The following LUZP2 variants were observed in gnomAD, a reference collection of about 807,000 sequenced individuals.
LUZP2 encodes leucine zipper protein 2.
In LUZP2, 52 loss-of-function variants were observed where a neutral mutation model predicts 51.6. That is an observed-to-expected ratio of 1.01 (90% CI 0.81 to 1.27). The LOEUF (loss-of-function observed/expected upper bound fraction) is 1.27, where lower values mean the gene tolerates loss of function less well. Among genes scored for constraint, LUZP2 ranks in the 50% most tolerant of loss-of-function variants. The pLI, the probability that LUZP2 is intolerant of heterozygous loss-of-function variation, is 0.00. For missense variants in LUZP2, 436 were observed against 395.4 expected, an observed-to-expected ratio of 1.10 and a Z score of -0.87; for synonymous variants, 154 against 137.3, an observed-to-expected ratio of 1.12 and a Z score of -0.85.
intron 5 of LUZP2, among the ~76,000 whole-genome samples, chr11:24,841,361 C>T (rs1851027395): frequency 6.6e-6 from 1 of 152,022 alleles, no homozygotes; most frequent in South Asian, 2.1e-4. Flanking sequence ...TTTCAGTCTC[C>T]AGAAAATTGA....
intron 9 of LUZP2, among the ~76,000 whole-genome samples, chr11:25,024,234 C>G (rs1200146705): frequency 6.6e-6 from 1 of 152,068 alleles, no homozygotes; most frequent in Non-Finnish European, 1.5e-5. Context: ...TGAAAACTGG[C>G]ACAAGACAGG....
At chr11:24,625,697 T>C (rs1348901084) in intron 1 of LUZP2, among the ~76,000 whole-genome samples, 1 of 151,004 alleles carries the variant, frequency 6.6e-6, no homozygotes, top group African/African-American at 2.4e-5. Flanking sequence ...AAAATGACTG[T>C]ATTATCTAAA....
At chr11:25,058,202 G>A (rs534970818) in intron 10 of LUZP2, among the ~76,000 whole-genome samples, 36 of 151,534 alleles carry the variant, frequency 2.4e-4, no homozygotes, top group African/African-American at 8.2e-4. Flanking sequence ...AAATAGTGTA[G>A]GAATGATAGG....
rs1554983398 is a variant in LUZP2, at chr11:24,742,057, TTATA to T, written c.333+3771_333+3774del. ...TATAAATACATAAAAATAAATATAATTATATATATATATATATATCACCATTTCT... is the reference window on the plus strand; with the variant it reads ...TATAAATACATAAAAATAAATATAATTATATATATATATATCACCATTTCT... On this transcript the variant is annotated intron_variant, in intron 4 of 11. Coordinates refer to ENST00000336930, the MANE Select transcript of LUZP2 (RefSeq NM_001009909.4). Among the ~76,000 whole-genome samples, 283 of 116,296 alleles carry T rather than the reference TTATA, an allele frequency of 2.4e-3. 9 individuals are homozygous for T. Among genetic ancestry groups the T allele is most frequent in the African/African-American group, 0.011 (251 of 23,838 alleles). 76.3% of individuals were successfully genotyped at this position (116,296 alleles called of 152,430 possible).
intron 1 of LUZP2, among the ~76,000 whole-genome samples, chr11:24,612,458 T>C (rs1854154408): frequency 6.6e-6 from 1 of 152,122 alleles, no homozygotes; most frequent in African/African-American, 2.4e-5. Flanking sequence ...TGCCATGATA[T>C]GCTCCCATTA....
At chr11:24,520,015 A>G (rs1199049601) in intron 1 of LUZP2, among the ~76,000 whole-genome samples, 2 of 152,158 alleles carry the variant, frequency 1.3e-5, no homozygotes, top group African/African-American at 4.8e-5. Context: ...TTATTTCATT[A>G]GTTGCCTTGG....
At chr11:24,736,094 T>G (rs1195728752) in intron 3 of LUZP2, among the ~76,000 whole-genome samples, 1 of 151,950 alleles carries the variant, frequency 6.6e-6, no homozygotes, top group Non-Finnish European at 1.5e-5. Flanking sequence ...TCTCTATCTT[T>G]TCCAGATTTT....
intron 5 of LUZP2, among the ~76,000 whole-genome samples, chr11:24,815,874 G>A (rs914613409): frequency 9.9e-5 from 15 of 152,024 alleles, no homozygotes; most frequent in African/African-American, 3.1e-4. Flanking sequence ...AAGTTCAGAT[G>A]TACTTAAACT....
At chr11:24,578,602 A>G (rs1852741534) in intron 1 of LUZP2, among the ~76,000 whole-genome samples, 1 of 152,102 alleles carries the variant, frequency 6.6e-6, no homozygotes. Flanking sequence ...CATGAAAAAG[A>G]AAGAAAATCA....
In LUZP2 at chr11:24,687,171, G is replaced by C. The variant is rs548394712; in HGVS notation, c.63-41998G>C. 2.6e-5 allele frequency among the ~76,000 whole-genome samples: 4 copies of C among 152,174 alleles called. No homozygotes were observed. The East Asian group carries it at 7.7e-4, about 29-fold the overall frequency. ...TGTAGTTTTAGGTCCCTAACATTTT[G>C]ATTTAAAATGTCCTTATGTATAAAA... is the stretch of plus-strand genomic sequence containing the variant. On this transcript the variant is annotated intron_variant, in intron 1 of 11. Transcript: ENST00000336930.
chr11:24,596,113 T>C (rs1853437202), intron 1 of LUZP2, among the ~76,000 whole-genome samples: 1 of 152,154 alleles, frequency 6.6e-6, no homozygotes, highest in African/African-American at 2.4e-5. Flanking sequence ...TATCTCCCTT[T>C]TATCCGTTGC....
At chr11:24,526,147 G>GTTTCTC (rs56916871) in intron 1 of LUZP2, among the ~76,000 whole-genome samples, 34,635 of 150,374 alleles carry the variant, frequency 0.23, 5,159 homozygotes, top group African/African-American at 0.43. Context: ...AAGTTTATCT[G>GTTTCTC]TTTCTGTTTT....
intron 3 of LUZP2, among the ~76,000 whole-genome samples, chr11:24,734,345 G>C (rs972811667): frequency 7.1e-6 from 1 of 140,876 alleles, no homozygotes; most frequent in Non-Finnish European, 1.5e-5. Context: ...TGATTCACAT[G>C]ACACCAAAAA....
At chr11:24,723,587 AG>A (rs1858359710) in intron 1 of LUZP2, among the ~76,000 whole-genome samples, 1 of 152,204 alleles carries the variant, frequency 6.6e-6, no homozygotes, top group Non-Finnish European at 1.5e-5. Context: ...GCACTTTGGG[AG>A]GCTGAGGCAG....
chr11:24,902,520 C>A (rs1041817122), intron 5 of LUZP2, among the ~76,000 whole-genome samples: 28 of 152,168 alleles, frequency 1.8e-4, no homozygotes, highest in African/African-American at 6.5e-4. Flanking sequence ...TATGGAACAT[C>A]TTTATCAAAA....
At chr11:24,916,899 G>A (rs1173948543) in intron 7 of LUZP2, among the ~76,000 whole-genome samples, 3 of 152,162 alleles carry the variant, frequency 2.0e-5, no homozygotes, top group Non-Finnish European at 4.4e-5. Flanking sequence ...GATCCCTGAG[G>A]AATGGCCACA....
At chr11:24,786,101 T>C in intron 5 of LUZP2, 3 of 985,326 alleles carry the variant, frequency 3.0e-6, no homozygotes, top group Non-Finnish European at 3.6e-6. Context: ...TATGACTGTA[T>C]TTTTAATTTA....
chr11:24,821,118 G>A (rs1466458771), intron 5 of LUZP2, among the ~76,000 whole-genome samples: 1 of 152,088 alleles, frequency 6.6e-6, no homozygotes, highest in Non-Finnish European at 1.5e-5. Flanking sequence ...TTAAAAATTA[G>A]TAAAATTTAA....
rs577182984 is a variant in LUZP2, at chr11:24,514,153, G to T, written c.62+16848G>T. Among the ~76,000 whole-genome samples, 335 of 152,298 alleles carry T rather than the reference G, an allele frequency of 2.2e-3. 1 individual carries two copies. Among genetic ancestry groups the T allele is most frequent in the Admixed American group, 1.9e-3 (29 of 15,300 alleles). ...GCATTCAGCAAGGGGCTGTGGAAGAGGAGTCTTGATTGGTGGGAGAGAAAT... is the reference window on the plus strand; with the variant it reads ...GCATTCAGCAAGGGGCTGTGGAAGATGAGTCTTGATTGGTGGGAGAGAAAT... On this transcript the variant is annotated intron_variant, in intron 1 of 11. Coordinates refer to ENST00000336930, the MANE Select transcript of LUZP2 (RefSeq NM_001009909.4).
Sources: gnomAD v4.1 joint callset for allele counts (sites outside exome capture counted in the v4.1 genomes callset) on GRCh38, gnomAD v4.1.1 for gene constraint, MANE v1.5 for transcripts, NCBI Gene and HGNC (gene_info 2026-07-23, HGNC 2026-07-21) for gene names.